Variants in DOCK7 observed in about 807,000 individuals in gnomAD.
DOCK7 encodes the protein dedicator of cytokinesis 7.
In DOCK7, 138 loss-of-function variants were observed where a neutral mutation model predicts 271.0. The ratio of observed to expected loss-of-function variants is 0.51; its 90% CI spans 0.44 to 0.59. The LOEUF (loss-of-function observed/expected upper bound fraction) is 0.59, where lower values mean the gene tolerates loss of function less well. Among genes scored for constraint, DOCK7 ranks in the 20% least tolerant of loss-of-function variants. The probability of loss-of-function intolerance (pLI) is 0.00; values close to 1 mark genes in which losing one functional copy is unlikely to be tolerated. For missense variants in DOCK7, 2,066 were observed against 2,592.4 expected (o/e 0.80, Z 4.41); for synonymous variants, 823 against 876.1 (o/e 0.94, Z 1.07).
At chr1:62,628,593 T>A (rs983689927) in intron 11 of DOCK7, 2 of 152,186 alleles carry the variant, frequency 1.3e-5, no homozygotes, top group Non-Finnish European at 2.9e-5. Context: ...ACTATAAAAC[T>A]CTTACAAGAA....
chr1:62,487,347 T>A (rs749758851), intron 43 of DOCK7, 51 bp downstream of exon 43: 1 of 1,575,416 alleles, frequency 6.3e-7, no homozygotes. Flanking sequence ...GCATAAGAAA[T>A]CTGATAAAAT....
At chr1:62,499,665 G>C (rs903641794) in intron 37 of DOCK7, among the ~76,000 whole-genome samples, 1 of 152,016 alleles carries the variant, frequency 6.6e-6, no homozygotes, top group African/African-American at 2.4e-5. Context: ...CTTGAGGCAA[G>C]GATTTCAAGA....
intron 31 of DOCK7, among the ~76,000 whole-genome samples, chr1:62,522,609 A>T (rs1190295382): frequency 6.6e-6 from 1 of 152,114 alleles, no homozygotes; most frequent in Non-Finnish European, 1.5e-5. Context: ...TGAAATGTTG[A>T]AAGTTTTACC....
chr1:62,469,399 C>T (rs995696888), intron 48 of DOCK7, among the ~76,000 whole-genome samples: 6 of 152,124 alleles, frequency 3.9e-5, no homozygotes, highest in African/African-American at 1.4e-4. Context: ...TCCTCATCTC[C>T]CACCTTATAC....
chr1:62,513,047 G>C (rs1644534854), intron 33 of DOCK7, among the ~76,000 whole-genome samples: 1 of 151,978 alleles, frequency 6.6e-6, no homozygotes, highest in Admixed American at 6.6e-5. Context: ...TGTTAATAAT[G>C]GGGGAGGCTA....
At chr1:62,583,021 T>C (rs1647184639) in intron 16 of DOCK7, among the ~76,000 whole-genome samples, 163 bp downstream of exon 16, 1 of 152,240 alleles carries the variant, frequency 6.6e-6, no homozygotes, top group Non-Finnish European at 1.5e-5. Flanking sequence ...GGGATGTCAA[T>C]AGAGAATGGC....
intron 28 of DOCK7, among the ~76,000 whole-genome samples, chr1:62,537,501 G>A (rs1363842353): frequency 1.3e-5 from 2 of 150,174 alleles, no homozygotes; most frequent in Admixed American, 6.7e-5. Flanking sequence ...CAGGAGAATC[G>A]CTTGAACCCC....
Position 62,493,422 on chromosome 1 carries a change from TG to T in DOCK7, c.5218-576del, listed in dbSNP as rs1292688925. ...ATCTAAGGCCTTTTCTTTGTGTGTA[TG>T]GGTTTCCAGATCAGATTTCCACGGA... On this transcript the variant is annotated intron_variant, in intron 40 of 49. Transcript: ENST00000635253. Among the ~76,000 whole-genome samples the T allele has an allele frequency of 2.0e-5, 3 of 152,340 alleles. 1 individual carries two copies. Among genetic ancestry groups the T allele is most frequent in the African/African-American group, 7.2e-5 (3 of 41,582 alleles).
chr1:62,549,302 T>A (rs1287002604), intron 22 of DOCK7, among the ~76,000 whole-genome samples: 1 of 152,102 alleles, frequency 6.6e-6, no homozygotes, highest in Non-Finnish European at 1.5e-5. Context: ...TTTAGCAACA[T>A]GAAGGGTGCT....
At chr1:62,543,497 C>A (rs910780791) in intron 24 of DOCK7, 159 bp downstream of exon 24, 25 of 477,402 alleles carry the variant, frequency 5.2e-5, no homozygotes, top group Non-Finnish European at 8.4e-5. Flanking sequence ...ACAAGATATG[C>A]CCCAAAAGGC....
intron 15 of DOCK7, 119 bp from the exon 16 acceptor site, chr1:62,583,373 T>A: frequency 2.5e-6 from 2 of 812,894 alleles, no homozygotes; most frequent in Non-Finnish European, 4.0e-6. Flanking sequence ...ATCAGCCCAA[T>A]GAAGAACAAT....
chr1:62,583,479 T>A (rs1056473086), intron 15 of DOCK7, among the ~76,000 whole-genome samples: 2 of 152,248 alleles, frequency 1.3e-5, no homozygotes, highest in African/African-American at 4.8e-5. Flanking sequence ...CAAAAGTTTC[T>A]ATCAATTTTA....
chr1:62,476,129 C>T lies in DOCK7; in HGVS notation c.5662G>A (p.Asp1888Asn). ...GAGTCTTTGATTACTTCAACCACAT[C>T]CTCTCCAAATCTTTCTCCGTAAAAT... ...EGFYGERFGE[D>N]VVEVIKDSNP... Residue 1888 changes from aspartate (D) to asparagine (N), a missense_variant, in exon 45 of 50, where the codon GAT becomes AAT. Physicochemically the swap from Asp to Asn is conservative, Grantham distance 23. Transcript: ENST00000635253. The T allele has an allele frequency of 1.9e-6, 3 of 1,613,228 alleles. No individual in the cohort carries two copies. Among genetic ancestry groups the T allele is most frequent in the Middle Eastern group, 1.7e-4 (1 of 6,054 alleles).
At chr1:62,596,874 G>A (rs1345179020) in intron 14 of DOCK7, among the ~76,000 whole-genome samples, 1 of 152,080 alleles carries the variant, frequency 6.6e-6, no homozygotes, top group Non-Finnish European at 1.5e-5. Flanking sequence ...GGAGAAAAGG[G>A]AGTGAAATGT....
At chr1:62,463,747 T>C (rs1009779354) in intron 48 of DOCK7, among the ~76,000 whole-genome samples, 2 of 152,194 alleles carry the variant, frequency 1.3e-5, no homozygotes, top group Admixed American at 6.5e-5. Context: ...AGGGAACCAT[T>C]TATGATAGAA....
chr1:62,616,446 CTGTTT>C (rs1266674299), intron 14 of DOCK7, among the ~76,000 whole-genome samples: 1 of 151,400 alleles, frequency 6.6e-6, no homozygotes, highest in African/African-American at 2.4e-5. Context: ...TAAAAGTGTT[CTGTTT>C]TAATAAAAAT....
intron 14 of DOCK7, among the ~76,000 whole-genome samples, chr1:62,615,497 C>A (rs1461287869): frequency 1.3e-5 from 2 of 151,832 alleles, no homozygotes; most frequent in Non-Finnish European, 1.5e-5. Flanking sequence ...ATATAAGTTC[C>A]TTACAAACTG....
At chr1:62,500,964 G>A (rs1646764856) in intron 37 of DOCK7, among the ~76,000 whole-genome samples, 1 of 152,030 alleles carries the variant, frequency 6.6e-6, no homozygotes, top group Non-Finnish European at 1.5e-5. Flanking sequence ...TTGAGCCCAG[G>A]AGTTCTGGGC....
At chr1:62,598,991 T>C (rs1365189563) in intron 14 of DOCK7, among the ~76,000 whole-genome samples, 1 of 152,084 alleles carries the variant, frequency 6.6e-6, no homozygotes, top group Non-Finnish European at 1.5e-5. Context: ...TAAAACTTTG[T>C]GTGACCTTGA....
Sources: gnomAD v4.1 joint callset for allele counts (sites outside exome capture counted in the v4.1 genomes callset) on GRCh38, gnomAD v4.1.1 for gene constraint, MANE v1.5 for transcripts, NCBI Gene and HGNC (gene_info 2026-07-23, HGNC 2026-07-21) for gene names.